TEKT5: variants seen among roughly 807,000 people sequenced by gnomAD.
TEKT5 encodes the protein tektin 5.
TEKT5 carries 52 observed loss-of-function variants against 48.7 expected under a neutral mutation model. The ratio of observed to expected loss-of-function variants is 1.07; its 90% confidence interval spans 0.86 to 1.35. The LOEUF is 1.35. Among genes scored for constraint, TEKT5 ranks in the 40% most tolerant of loss-of-function variants. The probability of loss-of-function intolerance (pLI) is 0.00; values close to 1 mark genes in which losing one functional copy is unlikely to be tolerated. For synonymous variants in TEKT5, 318 were observed against 267.6 expected (o/e 1.19, Z -1.84); for missense variants, 831 against 641.6 (o/e 1.30, Z -3.19).
intron 5 of TEKT5, among the ~76,000 whole-genome samples, chr16:10,673,803 A>C (rs1898592903): frequency 6.6e-6 from 1 of 151,660 alleles, no homozygotes; most frequent in Non-Finnish European, 1.5e-5. Context: ...GGTGCATGCC[A>C]CTATGCCCAG....
At chr16:10,660,636 G>T (rs1292778021) in intron 5 of TEKT5, among the ~76,000 whole-genome samples, 1 of 151,704 alleles carries the variant, frequency 6.6e-6, no homozygotes, top group Non-Finnish European at 1.5e-5. Context: ...GCCAGTCTGA[G>T]AATGTTACCA....
At chr16:10,672,772 C>T (rs1356135039) in intron 5 of TEKT5, among the ~76,000 whole-genome samples, 1 of 152,164 alleles carries the variant, frequency 6.6e-6, no homozygotes, top group Admixed American at 6.5e-5. Context: ...AAACATGGTG[C>T]CTACTATGTG....
At chr16:10,651,426 T>C (rs1007463207) in intron 5 of TEKT5, among the ~76,000 whole-genome samples, 1 of 152,174 alleles carries the variant, frequency 6.6e-6, no homozygotes, top group Admixed American at 6.5e-5. Flanking sequence ...AGCTTTTCCT[T>C]TGGGAGGGGT....
intron 3 of TEKT5, among the ~76,000 whole-genome samples, chr16:10,684,828 G>A (rs1257075161): frequency 2.0e-5 from 3 of 152,172 alleles, no homozygotes; most frequent in Non-Finnish European, 2.9e-5. Flanking sequence ...AAGACCAAAC[G>A]TGGCTCCTTC....
chr16:10,641,805 G>C (rs1897997777), intron 5 of TEKT5, among the ~76,000 whole-genome samples: 1 of 152,216 alleles, frequency 6.6e-6, no homozygotes, highest in Non-Finnish European at 1.5e-5. Flanking sequence ...CTGGGTGACA[G>C]AGTGAGACAC....
intron 5 of TEKT5, among the ~76,000 whole-genome samples, chr16:10,659,786 G>T (rs1230051316): frequency 5.9e-5 from 9 of 152,226 alleles, no homozygotes; most frequent in Non-Finnish European, 8.8e-5. Flanking sequence ...ATAGCTTAAA[G>T]GTGAAAGGTG....
chr16:10,651,027 G>A (rs1413591292), intron 5 of TEKT5, among the ~76,000 whole-genome samples: 1 of 152,246 alleles, frequency 6.6e-6, no homozygotes, highest in East Asian at 1.9e-4. Context: ...GCATGGGCTG[G>A]CCAGGGGCAG....
chr16:10,660,101 C>T (rs867992546), intron 5 of TEKT5, among the ~76,000 whole-genome samples: 28 of 152,286 alleles, frequency 1.8e-4, no homozygotes, highest in Middle Eastern at 3.4e-3. Context: ...CATTAGGCAA[C>T]GTGATGAGGT....
At position 10,694,190 on chromosome 16, in the gene TEKT5, G is replaced by C. The variant is rs1899030956; in HGVS notation, c.564+120C>G. 19 of 862,924 alleles carry C rather than the reference G, an allele frequency of 2.2e-5. No homozygotes were observed. The South Asian group carries it at 3.3e-4, about 15-fold the overall frequency. The allele number at this position is 862,924 out of a possible 1,614,324, so 53.5% of individuals were successfully genotyped here. A position where few individuals can be genotyped will look rare whatever the true frequency, so the allele number is the denominator to read the frequency against. ...GATTGTATTACTGATCGTATTCGAT[G>C]ATGCAGCTCAAACCGACCTGCAAGG... On this transcript the variant is annotated intron_variant, in intron 1 of 6. Transcript: ENST00000283025.
At chr16:10,666,106 T>TG (rs937636451) in intron 5 of TEKT5, among the ~76,000 whole-genome samples, 7 of 152,168 alleles carry the variant, frequency 4.6e-5, no homozygotes, top group African/African-American at 1.4e-4. Context: ...GGCATGGTGG[T>TG]GTGCACCCAT....
At chr16:10,633,365 A>G (rs562999585) in intron 6 of TEKT5, among the ~76,000 whole-genome samples, 1 of 152,266 alleles carries the variant, frequency 6.6e-6, no homozygotes, top group South Asian at 2.1e-4. Context: ...AATTAAAAAA[A>G]AACTCTCGTT....
intron 3 of TEKT5, among the ~76,000 whole-genome samples, chr16:10,683,326 G>GCCT (rs56840392): frequency 2.0e-5 from 3 of 148,994 alleles, no homozygotes; most frequent in Non-Finnish European, 3.0e-5. Context: ...TGGGGTCAGG[G>GCCT]ACTGGGCGGG....
At chr16:10,654,076 G>A (rs1898217288) in intron 5 of TEKT5, among the ~76,000 whole-genome samples, 1 of 151,880 alleles carries the variant, frequency 6.6e-6, no homozygotes, top group Non-Finnish European at 1.5e-5. Context: ...TTTGAGAGAG[G>A]TTCTCACACT....
chr16:10,688,271 CG>C (rs1898899042), intron 3 of TEKT5, among the ~76,000 whole-genome samples: 1 of 152,186 alleles, frequency 6.6e-6, no homozygotes, highest in East Asian at 1.9e-4. Context: ...TGTGTCTGTC[CG>C]TGACCAAGCT....
chr16:10,659,247 A>G (rs74386905), intron 5 of TEKT5, among the ~76,000 whole-genome samples: 3,373 of 152,326 alleles, frequency 0.022, 108 homozygotes, highest in African/African-American at 0.077. Flanking sequence ...AACTGTACCC[A>G]GATTAATGCA....
At chr16:10,681,000 AAAGTAT>A (rs1898736958) in intron 4 of TEKT5, among the ~76,000 whole-genome samples, 3 of 150,206 alleles carry the variant, frequency 2.0e-5, no homozygotes, top group Non-Finnish European at 4.4e-5. Context: ...CCTAAAACTT[AAAGTAT>A]AATAATAATA....
chr16:10,676,353 G>C (rs973750227), intron 4 of TEKT5, among the ~76,000 whole-genome samples, 172 bp from the exon 5 acceptor site: 25 of 152,168 alleles, frequency 1.6e-4, no homozygotes, highest in African/African-American at 5.3e-4. Flanking sequence ...GATGCCAGTA[G>C]CTCCCCAACC....
At chr16:10,675,864 G>C (rs924757147) in intron 5 of TEKT5, 95 bp downstream of exon 5, 1 of 1,282,382 alleles carries the variant, frequency 7.8e-7, no homozygotes, top group Admixed American at 1.7e-5. Context: ...TTGGCACCAG[G>C]GGCAGGGCCA....
chr16:10,690,826 G>A, intron 1 of TEKT5: 17 of 970,350 alleles, frequency 1.8e-5, no homozygotes, highest in South Asian at 4.8e-5. Context: ...AAAGGGCCCA[G>A]GAGCAGAAGG....
Sources: gnomAD v4.1 joint callset for allele counts (sites outside exome capture counted in the v4.1 genomes callset) on GRCh38, gnomAD v4.1.1 for gene constraint, MANE v1.5 for transcripts, NCBI Gene and HGNC (gene_info 2026-07-23, HGNC 2026-07-21) for gene names.